Variants in CPXM2 observed in about 807,000 individuals in gnomAD.
CPXM2 encodes inactive carboxypeptidase-like protein X2.
A neutral mutation model predicts 86.1 loss-of-function variants in CPXM2; 66 were observed. That is an observed-to-expected ratio of 0.77 (90% CI 0.63 to 0.94). The LOEUF is 0.94. CPXM2 is among the 40% of genes least tolerant of loss of function. The pLI is 0.00. For synonymous variants in CPXM2, 388 were observed against 400.2 expected, an observed-to-expected ratio of 0.97 and a Z score of 0.36; for missense variants, 948 against 1,026.3, an observed-to-expected ratio of 0.92 and a Z score of 1.04.
At chr10:123,861,287 C>G (rs1459109692) in intron 3 of CPXM2, among the ~76,000 whole-genome samples, 1 of 152,166 alleles carries the variant, frequency 6.6e-6, no homozygotes, top group Non-Finnish European at 1.5e-5. Flanking sequence ...GGAAACTACT[C>G]CCAATACAGA....
intron 2 of CPXM2, among the ~76,000 whole-genome samples, chr10:123,919,873 G>A (rs1220769515): frequency 1.3e-5 from 2 of 152,144 alleles, no homozygotes; most frequent in African/African-American, 4.8e-5. Flanking sequence ...GGCAGGGTGG[G>A]GAGATCACAT....
intron 6 of CPXM2, among the ~76,000 whole-genome samples, chr10:123,786,902 A>G (rs10902811): frequency 0.2 from 30,614 of 152,160 alleles, 3,997 homozygotes; most frequent in East Asian, 0.44. Flanking sequence ...CAAGGATGTC[A>G]TCATTTGCCT....
intron 2 of CPXM2, among the ~76,000 whole-genome samples, chr10:123,916,984 A>G (rs1945538743): frequency 6.6e-6 from 1 of 151,756 alleles, no homozygotes; most frequent in Non-Finnish European, 1.5e-5. Flanking sequence ...GGAGGGGGTG[A>G]GTAGGGAGTG....
chr10:123,932,864 G>A (rs180950378), intron 2 of CPXM2, among the ~76,000 whole-genome samples: 4 of 152,192 alleles, frequency 2.6e-5, no homozygotes, highest in Non-Finnish European at 4.4e-5. Flanking sequence ...GGGCTTGTAG[G>A]CCAGTCTCAG....
intron 1 of CPXM2, among the ~76,000 whole-genome samples, chr10:123,881,235 T>C (rs147428943): frequency 0.11 from 4,366 of 39,164 alleles, 883 homozygotes; most frequent in African/African-American, 0.18. Context: ...ACCCTTCTCT[T>C]CCCTTCCCTT....
intron 2 of CPXM2, among the ~76,000 whole-genome samples, chr10:123,874,951 G>A (rs1944956093): frequency 6.6e-6 from 1 of 152,200 alleles, no homozygotes; most frequent in Admixed American, 6.5e-5. Flanking sequence ...ACCCTTGTCT[G>A]GGAAGTATTT....
At chr10:123,760,230 G>A (rs1313391272) in intron 11 of CPXM2, among the ~76,000 whole-genome samples, 4 of 152,170 alleles carry the variant, frequency 2.6e-5, no homozygotes, top group Admixed American at 6.5e-5. Flanking sequence ...AGGTGTGCCC[G>A]TGCCCAATTT....
At chr10:123,928,510 G>T (rs1000565802) in intron 2 of CPXM2, among the ~76,000 whole-genome samples, 5 of 152,102 alleles carry the variant, frequency 3.3e-5, no homozygotes, top group Non-Finnish European at 7.4e-5. Flanking sequence ...CCCTCCCCTT[G>T]ATCCTATGTT....
intron 4 of CPXM2, among the ~76,000 whole-genome samples, chr10:123,811,131 A>ATTTT (rs371020084): frequency 9.7e-6 from 1 of 102,868 alleles, no homozygotes; most frequent in African/African-American, 3.7e-5. Context: ...TCACAAAATC[A>ATTTT]TTTTTTTTTT....
chr10:123,844,473 C>G (rs1305544172), intron 3 of CPXM2, among the ~76,000 whole-genome samples: 1 of 151,850 alleles, frequency 6.6e-6, no homozygotes, highest in Admixed American at 6.6e-5. Flanking sequence ...ACACCAATGC[C>G]CCTAACAGAC....
At chr10:123,880,334 T>C in intron 1 of CPXM2, 25 bp from the exon 2 acceptor site, 1 of 1,004,240 alleles carries the variant, frequency 1.0e-6, no homozygotes, top group Non-Finnish European at 1.6e-6. Flanking sequence ...AGAGATGCCT[T>C]TACTTTCACA....
intron 5 of CPXM2, 62 bp downstream of exon 5, chr10:123,799,053 C>T (rs575957100): frequency 1.9e-6 from 3 of 1,589,226 alleles, no homozygotes; most frequent in African/African-American, 1.3e-5. Context: ...TACATTGCCT[C>T]TCTTTGCAAA....
chr10:123,805,826 T>C lies in CPXM2; in HGVS notation c.654-6627A>G, dbSNP rs77614067. Among the ~76,000 whole-genome samples, 1,358 of 152,296 alleles carry C rather than the reference T, an allele frequency of 8.9e-3. 8 individuals carry two copies. Among genetic ancestry groups the C allele is most frequent in the Non-Finnish European group, 0.015 (988 of 67,996 alleles). On this transcript the variant is annotated intron_variant, in intron 4 of 13. Transcript: ENST00000241305. ...TTAGTTATACACTCACAATATTCTT[T>C]TCATAATTCTCTTAAGATTACAATA...
upstream of CPXM2, among the ~76,000 whole-genome samples, chr10:123,893,641 T>C (rs1237225554): frequency 1.3e-5 from 2 of 151,914 alleles, no homozygotes; most frequent in African/African-American, 4.8e-5. Flanking sequence ...CCACCACTCT[T>C]TGCTCCCCAA....
In CPXM2 at chr10:123,790,072, C is replaced by T. The variant is rs1051344019; in HGVS notation, c.889+7904G>A. Among the ~76,000 whole-genome samples the T allele has an allele frequency of 4.6e-5, 7 of 152,160 alleles. No homozygotes were observed. The South Asian group carries it at 1.0e-3, about 23-fold the overall frequency. ...GGCGGAGCTTGCAGTGAGCCAAGAT[C>T]GCACCACTGCACTCCAACCTGGGTG... On this transcript the variant is annotated intron_variant, in intron 6 of 13. Coordinates refer to ENST00000241305, the MANE Select transcript of CPXM2 (RefSeq NM_198148.3).
intron 4 of CPXM2, among the ~76,000 whole-genome samples, chr10:123,837,366 G>A (rs532180580): frequency 1.1e-4 from 17 of 152,052 alleles, no homozygotes; most frequent in African/African-American, 1.4e-4. Flanking sequence ...TCATCAAATC[G>A]CTGCCCCACT....
rs72841688 is a variant in CPXM2, at chr10:123,754,332, C to T, written c.2017+331G>A. Reference sequence around the variant, plus strand: ...ACTCATGGACACAGGCCACATTCCACCTGGTCTGAGAGCTAAGCTGCCTGC... The same window carrying T: ...ACTCATGGACACAGGCCACATTCCATCTGGTCTGAGAGCTAAGCTGCCTGC... On this transcript the variant is annotated intron_variant, in intron 13 of 13. Coordinates refer to ENST00000241305, the MANE Select transcript of CPXM2 (RefSeq NM_198148.3). The surrounding 1 kb of genome is among the most constrained non-coding windows in gnomAD (Gnocchi z 4.0). 0.067 allele frequency among the ~76,000 whole-genome samples: 10,168 copies of T among 152,242 alleles called. 355 individuals are homozygous for T. The highest frequency in any genetic ancestry group is 0.14 in the South Asian group (660 of 4,824).
chr10:123,752,635 G>T (rs1023782935), intron 13 of CPXM2: 2 of 984,876 alleles, frequency 2.0e-6, no homozygotes, highest in South Asian at 9.4e-5. Flanking sequence ...CAGGATCATG[G>T]GAACAGTTTG....
rs148826611 is a variant in CPXM2 at position 123,931,304 on chromosome 10, G to A, written n.174+8173C>T. ...CCTTCTCTGATTGACAGTATTTCATGAGTATTATTGAACATTGCTACTAGG... is the reference window on the plus strand; with the variant it reads ...CCTTCTCTGATTGACAGTATTTCATAAGTATTATTGAACATTGCTACTAGG... On this transcript the variant is annotated intron_variant and non_coding_transcript_variant, in intron 2 of 19. Coordinates refer to the CPXM2 transcript ENST00000368854. 6.1e-4 allele frequency among the ~76,000 whole-genome samples: 93 copies of A among 152,324 alleles called. No homozygotes were observed. In the East Asian group the frequency reaches 0.016, roughly 27 times the overall value.
Sources: allele counts gnomAD v4.1 joint callset (sites outside exome capture counted in the v4.1 genomes callset), GRCh38; gene constraint gnomAD v4.1.1; non-coding constraint Gnocchi (gnomAD v3.1); transcripts MANE v1.5; gene names NCBI Gene and HGNC (gene_info 2026-07-23, HGNC 2026-07-21).